Variants in SYNJ2 observed in about 807,000 individuals in gnomAD.
SYNJ2 encodes the protein synaptojanin 2.
Under a neutral mutation model 141.3 loss-of-function variants are expected in SYNJ2, and 116 were observed. The ratio of observed to expected loss-of-function variants is 0.82; its 90% confidence interval spans 0.71 to 0.96. SYNJ2 has a LOEUF of 0.96. Ranked by LOEUF, SYNJ2 falls within the 40% of genes least tolerant of loss-of-function variation. The pLI is 0.00. For missense variants in SYNJ2, 1,873 were observed against 1,934.8 expected (o/e 0.97, Z 0.60); for synonymous variants, 745 against 777.7 (o/e 0.96, Z 0.70).
Position 158,097,399 on chromosome 6 carries a change from G to GTT in SYNJ2, c.*1037_*1038dup, listed in dbSNP as rs1444965037. ...TTTTTTGCCTATACATTTTTCCCAC[G>GTT]TTTCCAACAGCACTTCTCACCTATT... On this transcript the variant is annotated 3_prime_UTR_variant, in exon 27 of 27. Coordinates refer to ENST00000355585, the MANE Select transcript of SYNJ2 (RefSeq NM_003898.4). 6 of 152,080 alleles carry GTT rather than the reference G, an allele frequency of 3.9e-5. No homozygotes were observed. Among genetic ancestry groups the GTT allele is most frequent in the Non-Finnish European group, 8.8e-5 (6 of 68,014 alleles). The allele number at this position is 152,080 out of a possible 1,614,324, so 9.4% of individuals were successfully genotyped here.
chr6:157,992,301 C>T (rs752264115), intron 1 of SYNJ2, among the ~76,000 whole-genome samples: 1 of 151,710 alleles, frequency 6.6e-6, no homozygotes. Flanking sequence ...CTCTGGTAAC[C>T]ATCCTTCTAT....
chr6:158,087,322 G>C (rs532215200), intron 23 of SYNJ2, among the ~76,000 whole-genome samples: 1 of 152,352 alleles, frequency 6.6e-6, no homozygotes, highest in Non-Finnish European at 1.5e-5. Flanking sequence ...GCAGTCAGAA[G>C]TCTCTCCTCA....
At chr6:158,006,165 C>CA (rs1778063249) in intron 1 of SYNJ2, among the ~76,000 whole-genome samples, 1 of 152,212 alleles carries the variant, frequency 6.6e-6, no homozygotes, top group African/African-American at 2.4e-5. Flanking sequence ...GCAGCCTCTC[C>CA]ATTTCTCTGC....
rs1168129777 is a variant in SYNJ2, at chr6:157,994,518, G to A, written c.127+12430G>A. Among the ~76,000 whole-genome samples, 7 of 152,352 alleles carry A rather than the reference G, an allele frequency of 4.6e-5. No individual in the cohort carries two copies. The South Asian group carries it at 1.4e-3, about 32-fold the overall frequency. On this transcript the variant is annotated intron_variant, in intron 1 of 26. Transcript: ENST00000355585. ...CCCTTGTAACAAGGCCCTTCTGGGT[G>A]GGGGATCTACCTCTCTTTTCACCTG...
At chr6:158,008,249 AGGCATG>A (rs1778143982) in intron 1 of SYNJ2, among the ~76,000 whole-genome samples, 2 of 152,250 alleles carry the variant, frequency 1.3e-5, no homozygotes, top group Non-Finnish European at 2.9e-5. Context: ...CTGGGATTAC[AGGCATG>A]AGCCACCACG....
At position 158,071,335 on chromosome 6, in the gene SYNJ2, G is replaced by T. The variant is rs1404643524; in HGVS notation, c.1941-267G>T. On this transcript the variant is annotated intron_variant, in intron 14 of 26. Coordinates refer to ENST00000355585, the MANE Select transcript of SYNJ2 (RefSeq NM_003898.4). This position sits in a 1 kb window ranked among gnomAD's most constrained non-coding sequence, Gnocchi z 4.3. ...GAGAACCTGGGCGGATGCAGGCATT[G>T]CCCTGTCTTCGGCTTCATGGGGTGC... Among the ~76,000 whole-genome samples the T allele has an allele frequency of 6.6e-6, 1 of 152,216 alleles. No individual in the cohort carries two copies. Among genetic ancestry groups the T allele is most frequent in the African/African-American group, 2.4e-5 (1 of 41,444 alleles).
At chr6:158,083,078 A>G (rs897177137) in intron 20 of SYNJ2, among the ~76,000 whole-genome samples, 1 of 151,798 alleles carries the variant, frequency 6.6e-6, no homozygotes, top group African/African-American at 2.4e-5. Flanking sequence ...GACTACAGGC[A>G]CTCACCACCA....
chr6:158,095,536 T>C, intron 26 of SYNJ2, 82 bp from the exon 27 acceptor site: 2 of 1,487,620 alleles, frequency 1.3e-6, no homozygotes, highest in Non-Finnish European at 1.8e-6. Context: ...ATCTCTGTTC[T>C]CTGCTGGCCA....
At position 158,074,740 on chromosome 6, in the gene SYNJ2, T is replaced by C. The variant is rs1782157988; in HGVS notation, c.2292+2T>C. 1 of 1,611,964 alleles carries C rather than the reference T, an allele frequency of 6.2e-7. No individual in the cohort carries two copies. Among genetic ancestry groups the C allele is most frequent in the Non-Finnish European group, 8.5e-7 (1 of 1,179,566 alleles). On this transcript the variant is annotated splice_donor_variant, in intron 16 of 26. Coordinates refer to ENST00000355585, the MANE Select transcript of SYNJ2 (RefSeq NM_003898.4). LOFTEE classifies it high-confidence loss of function. ...CAGCTACAGAAATCAAGTGGAAAAG[T>C]AAGTTGTGCTTTAAAAACATTTTTT... is the stretch of plus-strand genomic sequence containing the variant.
intron 1 of SYNJ2, among the ~76,000 whole-genome samples, chr6:158,014,597 T>C (rs1197638093): frequency 6.6e-6 from 1 of 152,274 alleles, no homozygotes; most frequent in East Asian, 1.9e-4. Context: ...AATCACATCT[T>C]ACCATCAGTC....
At chr6:158,020,288 CTG>C (rs1287545796) in intron 2 of SYNJ2, among the ~76,000 whole-genome samples, 2 of 150,300 alleles carry the variant, frequency 1.3e-5, no homozygotes, top group African/African-American at 2.5e-5. Context: ...GTGACTCCGA[CTG>C]TGTGACCCCC....
chr6:158,089,971 G>A, intron 25 of SYNJ2, 24 bp downstream of exon 25: 1 of 1,536,722 alleles, frequency 6.5e-7, no homozygotes, highest in East Asian at 2.3e-5. Context: ...TGGGGGCAGG[G>A]GAAAAACCAA....
intron 16 of SYNJ2, 151 bp downstream of exon 16, chr6:158,074,889 G>A: frequency 3.5e-6 from 3 of 853,658 alleles, no homozygotes; most frequent in Non-Finnish European, 3.5e-6. Context: ...TGAGGTTACA[G>A]TACAGGAGTG....
intron 1 of SYNJ2, among the ~76,000 whole-genome samples, chr6:157,986,249 C>G (rs1777198685): frequency 6.6e-6 from 1 of 152,246 alleles, no homozygotes; most frequent in South Asian, 2.1e-4. Context: ...CTGTCTGCCT[C>G]CAGGACTGGT....
intron 25 of SYNJ2, among the ~76,000 whole-genome samples, chr6:158,092,068 G>C (rs531710348): frequency 2.0e-5 from 3 of 151,826 alleles, no homozygotes; most frequent in Non-Finnish European, 4.4e-5. Context: ...CACTTAGAAA[G>C]GGTGAATTTC....
chr6:158,006,725 T>C (rs912951415), intron 1 of SYNJ2, among the ~76,000 whole-genome samples: 10 of 152,184 alleles, frequency 6.6e-5, no homozygotes, highest in Admixed American at 2.0e-4. Flanking sequence ...CTGGCTGGAG[T>C]GCAGTGGTGC....
Position 157,981,879 on chromosome 6 carries a change from G to A in SYNJ2, c.-83G>A. 2.6e-6 allele frequency: 3 copies of A among 1,169,034 alleles called. No homozygotes were observed. The highest frequency in any genetic ancestry group is 3.2e-6 in the Non-Finnish European group (3 of 933,910). The allele number at this position is 1,169,034 out of a possible 1,614,324, so 72.4% of individuals were successfully genotyped here. A position where few individuals can be genotyped will look rare whatever the true frequency, so the allele number is the denominator to read the frequency against. On this transcript the variant is annotated 5_prime_UTR_variant, in exon 1 of 27. Transcript: ENST00000355585. This position sits in a 1 kb window ranked among gnomAD's most constrained non-coding sequence, Gnocchi z 6.4. The stretch of plus-strand genomic sequence containing the variant: ...GCGCAAAGTGAAACTCTGGCAAGTT[G>A]CGGGCGCGCGGGGAGCTGTCGCGGG...
chr6:158,004,207 T>C (rs1358180589), intron 1 of SYNJ2, among the ~76,000 whole-genome samples: 1 of 152,048 alleles, frequency 6.6e-6, no homozygotes, highest in Non-Finnish European at 1.5e-5. Flanking sequence ...GTCAAATGGA[T>C]CTGAGACCTG....
chr6:158,064,556 C>T (rs1781439313), intron 9 of SYNJ2, 45 bp from the exon 10 acceptor site: 1 of 1,604,928 alleles, frequency 6.2e-7, no homozygotes. Flanking sequence ...GCTGCAGGGC[C>T]TCTGTGGGAG....
Sources: allele counts gnomAD v4.1 joint callset (sites outside exome capture counted in the v4.1 genomes callset), GRCh38; gene constraint gnomAD v4.1.1; non-coding constraint Gnocchi (gnomAD v3.1); transcripts MANE v1.5; gene names NCBI Gene and HGNC (gene_info 2026-07-23, HGNC 2026-07-21).